SLC25A26: variants seen among roughly 807,000 people sequenced by gnomAD.
The protein encoded by SLC25A26 is mitochondrial S-adenosylmethionine carrier protein.
SLC25A26 carries 36 observed loss-of-function variants against 37.8 expected under a neutral mutation model. The ratio of observed to expected loss-of-function variants is 0.95; its 90% CI spans 0.73 to 1.26. The LOEUF (loss-of-function observed/expected upper bound fraction) is 1.26, where lower values mean the gene tolerates loss of function less well. SLC25A26 is among the 50% of genes most tolerant of loss of function. The pLI is 0.00. For missense variants in SLC25A26, 390 were observed against 331.1 expected, an observed-to-expected ratio of 1.18 and a Z score of -1.38; for synonymous variants, 129 against 122.5, an observed-to-expected ratio of 1.05 and a Z score of -0.35.
At chr3:66,276,885 C>G (rs776406742) in intron 5 of SLC25A26, among the ~76,000 whole-genome samples, 8 of 144,508 alleles carry the variant, frequency 5.5e-5, no homozygotes, top group Non-Finnish European at 1.2e-4. Context: ...AGAGGGCGCA[C>G]AATGCCTGTA....
chr3:66,326,618 C>T (rs902509957), intron 5 of SLC25A26, among the ~76,000 whole-genome samples: 1 of 152,208 alleles, frequency 6.6e-6, no homozygotes, highest in African/African-American at 2.4e-5. Context: ...TTGGGTTCAC[C>T]TCCAGTTTCA....
chr3:66,335,558 C>T (rs1197871609), intron 5 of SLC25A26, among the ~76,000 whole-genome samples: 1 of 152,158 alleles, frequency 6.6e-6, no homozygotes, highest in East Asian at 1.9e-4. Context: ...AGCCACAAGA[C>T]CCGGGTTCTC....
chr3:66,350,247 G>C (rs927440130), intron 6 of SLC25A26, among the ~76,000 whole-genome samples: 4 of 152,084 alleles, frequency 2.6e-5, no homozygotes, highest in Non-Finnish European at 4.4e-5. Flanking sequence ...GGCTGGAGGT[G>C]GTGGTGGCCA....
At chr3:66,316,230 T>C (rs2075535623) in intron 5 of SLC25A26, among the ~76,000 whole-genome samples, 1 of 152,162 alleles carries the variant, frequency 6.6e-6, no homozygotes, top group Admixed American at 6.5e-5. Flanking sequence ...TGTACTTCCA[T>C]GTGGTTTCCT....
intron 5 of SLC25A26, among the ~76,000 whole-genome samples, chr3:66,278,707 A>C (rs1294126750): frequency 6.6e-6 from 1 of 152,094 alleles, no homozygotes; most frequent in East Asian, 1.9e-4. Flanking sequence ...TATCCTACGA[A>C]CTTTCTGCAT....
At chr3:66,339,652 T>G (rs1210955340) in intron 5 of SLC25A26, among the ~76,000 whole-genome samples, 1 of 152,064 alleles carries the variant, frequency 6.6e-6, no homozygotes. Flanking sequence ...TCTTTTTATA[T>G]GCTTGTTGTC....
At chr3:66,209,735 G>C (rs1160176297) in intron 1 of SLC25A26, among the ~76,000 whole-genome samples, 1 of 127,704 alleles carries the variant, frequency 7.8e-6, no homozygotes, top group Non-Finnish European at 1.6e-5. Context: ...GGTATATATT[G>C]GTATGGATAT....
At chr3:66,205,399 G>T (rs1449416437) in intron 1 of SLC25A26, among the ~76,000 whole-genome samples, 1 of 152,176 alleles carries the variant, frequency 6.6e-6, no homozygotes, top group Non-Finnish European at 1.5e-5. Flanking sequence ...ATTATCTTAA[G>T]TTTTTGAGTC....
At chr3:66,211,320 A>G (rs1448688608) in intron 1 of SLC25A26, among the ~76,000 whole-genome samples, 3 of 152,208 alleles carry the variant, frequency 2.0e-5, no homozygotes, top group Non-Finnish European at 4.4e-5. Context: ...ACAGAAGGTA[A>G]TAAACAAAAA....
intron 1 of SLC25A26, among the ~76,000 whole-genome samples, chr3:66,194,173 C>T (rs2070998887): frequency 6.6e-6 from 1 of 152,182 alleles, no homozygotes; most frequent in Non-Finnish European, 1.5e-5. Context: ...AGCCTCTATG[C>T]CCCTTTAAAT....
chr3:66,352,888 T>C (rs938830606), intron 6 of SLC25A26, among the ~76,000 whole-genome samples: 2 of 152,196 alleles, frequency 1.3e-5, no homozygotes, highest in African/African-American at 4.8e-5. Context: ...AGTAGGACTT[T>C]CCCCTCCTCC....
At chr3:66,343,702 T>G (rs2076258358) in intron 5 of SLC25A26, among the ~76,000 whole-genome samples, 1 of 152,198 alleles carries the variant, frequency 6.6e-6, no homozygotes, top group Non-Finnish European at 1.5e-5. Context: ...ATTGTTAGAG[T>G]AAATTTTAAA....
intron 1 of SLC25A26, among the ~76,000 whole-genome samples, chr3:66,177,943 G>A (rs1046574572): frequency 4.6e-5 from 7 of 152,174 alleles, no homozygotes; most frequent in African/African-American, 1.7e-4. Flanking sequence ...AAAGATGAAT[G>A]GCGTAAATAG....
chr3:66,359,718 T>C (rs141745541), intron 6 of SLC25A26, among the ~76,000 whole-genome samples: 9 of 152,368 alleles, frequency 5.9e-5, no homozygotes, highest in South Asian at 4.1e-4. Context: ...CTTTCTGCAG[T>C]GCTTCTAGGA....
intron 1 of SLC25A26, among the ~76,000 whole-genome samples, chr3:66,213,929 C>CA (rs1305261156): frequency 6.0e-5 from 9 of 149,820 alleles, no homozygotes; most frequent in African/African-American, 2.0e-4. Context: ...CACTCCATCT[C>CA]AAAAAAAAGG....
intron 9 of SLC25A26, among the ~76,000 whole-genome samples, chr3:66,373,310 C>T (rs535870703): frequency 2.0e-5 from 3 of 152,314 alleles, no homozygotes; most frequent in South Asian, 2.1e-4. Flanking sequence ...TCTTCACCTG[C>T]GAGACTGGCT....
intron 5 of SLC25A26, among the ~76,000 whole-genome samples, chr3:66,309,118 G>A (rs2075306279): frequency 6.6e-6 from 1 of 151,126 alleles, no homozygotes. Flanking sequence ...TGGTACCTCT[G>A]GTAGAATTCG....
rs900351832 is a variant in SLC25A26 at position 66,210,894 on chromosome 3, T to G, written c.-353-9848T>G. On this transcript the variant is annotated intron_variant, in intron 1 of 10. Transcript: ENST00000676754. The stretch of plus-strand genomic sequence containing the variant: ...AGACGTGACTGGCGAGCTATGAAGG[T>G]GAGGCAACAGTCAGGGGCCAGATCA... 2.4e-4 allele frequency among the ~76,000 whole-genome samples: 36 copies of G among 152,230 alleles called. No homozygotes were observed. The South Asian group carries it at 7.5e-3, about 32-fold the overall frequency.
chr3:66,151,272 A>G (rs2070204441), intron 1 of SLC25A26, among the ~76,000 whole-genome samples: 1 of 152,052 alleles, frequency 6.6e-6, no homozygotes, highest in African/African-American at 2.4e-5. Flanking sequence ...TACCACCTCC[A>G]ATAACAAGCG....
Sources: gnomAD v4.1 joint callset for allele counts (sites outside exome capture counted in the v4.1 genomes callset) on GRCh38, gnomAD v4.1.1 for gene constraint, MANE v1.5 for transcripts, NCBI Gene and HGNC (gene_info 2026-07-23, HGNC 2026-07-21) for gene names.